Variants in HSD11B1 observed in about 807,000 individuals in gnomAD.
The protein encoded by HSD11B1 is 11-beta-hydroxysteroid dehydrogenase 1.
A neutral mutation model predicts 22.1 loss-of-function variants in HSD11B1; 15 were observed. The observed-to-expected ratio is 0.68, with a 90% CI of 0.45 to 1.04. The LOEUF is 1.04. Ranked by LOEUF, HSD11B1 falls within the 50% of genes least tolerant of loss-of-function variation. The probability of loss-of-function intolerance (pLI) is 0.00; values close to 1 mark genes in which losing one functional copy is unlikely to be tolerated. For synonymous variants in HSD11B1, 122 were observed against 125.2 expected, an observed-to-expected ratio of 0.97 and a Z score of 0.17; for missense variants, 281 against 357.6, an observed-to-expected ratio of 0.79 and a Z score of 1.73.
chr1:209,732,064 C>T (rs547126172), intron 4 of HSD11B1, among the ~76,000 whole-genome samples: 128 of 152,248 alleles, frequency 8.4e-4, no homozygotes, highest in Non-Finnish European at 1.6e-3. Context: ...CTTTCCATTG[C>T]CAACAGGTCA....
upstream of HSD11B1, chr1:209,704,741 G>A: frequency 3.5e-6 from 2 of 572,168 alleles, no homozygotes; most frequent in Non-Finnish European, 6.3e-6. Flanking sequence ...CACCACACAG[G>A]CTGCCAGGGA....
At chr1:209,731,674 T>A (rs186575112) in intron 4 of HSD11B1, among the ~76,000 whole-genome samples, 1 of 152,326 alleles carries the variant, frequency 6.6e-6, no homozygotes, top group African/African-American at 2.4e-5. Flanking sequence ...GTGAACATTT[T>A]TTTTAAAAAG....
intron 4 of HSD11B1, among the ~76,000 whole-genome samples, chr1:209,727,852 A>G (rs1436741315): frequency 6.6e-6 from 1 of 152,204 alleles, no homozygotes; most frequent in Non-Finnish European, 1.5e-5. Flanking sequence ...ATCCCTCTCC[A>G]TGGCTGAAAT....
chr1:209,696,729 T>C (rs2076793459), intron 1 of HSD11B1, among the ~76,000 whole-genome samples: 1 of 151,832 alleles, frequency 6.6e-6, no homozygotes, highest in African/African-American at 2.4e-5. Flanking sequence ...GGGAGGAGGA[T>C]ATTTGGGGAG....
chr1:209,707,528 AT>A (rs1298173834), intron 4 of HSD11B1, among the ~76,000 whole-genome samples: 8 of 152,124 alleles, frequency 5.3e-5, no homozygotes, highest in Non-Finnish European at 1.0e-4. Flanking sequence ...TAGGGGGGTG[AT>A]TTGTGGACTC....
chr1:209,709,414 A>G lies in HSD11B1; in HGVS notation c.517+2286A>G, dbSNP rs1353885817. ...GGCACCTATTGAGCAAGTTTCTTGT[A>G]TGTGTAACATCCCGTTACATTGATT... is the stretch of plus-strand genomic sequence containing the variant. On this transcript the variant is annotated intron_variant, in intron 4 of 5. Transcript: ENST00000367027. Among the ~76,000 whole-genome samples, 3 of 152,208 alleles carry G rather than the reference A, an allele frequency of 2.0e-5. No homozygotes were observed. In the East Asian group the frequency reaches 5.8e-4, roughly 29 times the overall value.
intron 4 of HSD11B1, among the ~76,000 whole-genome samples, chr1:209,711,379 C>T (rs2076893855): frequency 6.6e-6 from 1 of 152,144 alleles, no homozygotes; most frequent in Non-Finnish European, 1.5e-5. Flanking sequence ...GCCTCAGAAC[C>T]AGAGTGGAAA....
At chr1:209,710,446 T>G (rs2076887879) in intron 4 of HSD11B1, among the ~76,000 whole-genome samples, 2 of 152,218 alleles carry the variant, frequency 1.3e-5, no homozygotes, top group South Asian at 4.1e-4. Flanking sequence ...CCCTACCTCC[T>G]ATGAAGTCTT....
At chr1:209,700,903 C>T (rs1426279350), upstream of HSD11B1, among the ~76,000 whole-genome samples, 1 of 152,254 alleles carries the variant, frequency 6.6e-6, no homozygotes, top group East Asian at 1.9e-4. Context: ...GTTACCTCTG[C>T]TCCAGTTCCC....
chr1:209,707,433 G>T (rs1297138382), intron 4 of HSD11B1, among the ~76,000 whole-genome samples: 2 of 151,102 alleles, frequency 1.3e-5, no homozygotes, highest in African/African-American at 4.9e-5. Flanking sequence ...ACTTGAAGTT[G>T]AAATGTTCAT....
intron 1 of HSD11B1, among the ~76,000 whole-genome samples, chr1:209,698,852 C>G (rs1470694980): frequency 6.6e-6 from 1 of 152,148 alleles, no homozygotes; most frequent in Non-Finnish European, 1.5e-5. Flanking sequence ...CTCTTCTTTC[C>G]TAGAAGGCCC....
intron 1 of HSD11B1, among the ~76,000 whole-genome samples, chr1:209,698,203 A>C (rs2076804871): frequency 6.9e-6 from 1 of 145,292 alleles, no homozygotes; most frequent in African/African-American, 2.4e-5. Flanking sequence ...AGATAGATAG[A>C]TAGATAGATA....
At chr1:209,734,272 G>A in intron 5 of HSD11B1, 32 bp from the exon 6 acceptor site, 3 of 1,560,972 alleles carry the variant, frequency 1.9e-6, no homozygotes, top group Non-Finnish European at 2.6e-6. Flanking sequence ...GTCCTAGTCA[G>A]ATAACCCTAC....
At chr1:209,725,044 A>G (rs2076992503) in intron 4 of HSD11B1, among the ~76,000 whole-genome samples, 1 of 152,180 alleles carries the variant, frequency 6.6e-6, no homozygotes, top group African/African-American at 2.4e-5. Context: ...TTTAACCTGA[A>G]CTGAAGTGAG....
rs544848604 is a variant in HSD11B1 at position 209,723,716 on chromosome 1, C to T, written c.518-8720C>T. On this transcript the variant is annotated intron_variant, in intron 4 of 5. Transcript: ENST00000367027. ...TTCCTCTCTTTCCCCACCTCCTCCC[C>T]ACTCCCTGACCCCCTCTAGCCTGTC... Among the ~76,000 whole-genome samples, 32 of 152,306 alleles carry T rather than the reference C, an allele frequency of 2.1e-4. No homozygotes were observed. In the South Asian group the frequency reaches 6.2e-3, roughly 30 times the overall value.
chr1:209,711,427 T>C (rs1156630146), intron 4 of HSD11B1, among the ~76,000 whole-genome samples: 3 of 152,128 alleles, frequency 2.0e-5, no homozygotes, highest in Non-Finnish European at 4.4e-5. Context: ...TTCTCATTTT[T>C]CTAAGAAAAA....
intron 4 of HSD11B1, among the ~76,000 whole-genome samples, chr1:209,721,422 T>C (rs2076965784): frequency 6.8e-6 from 1 of 148,134 alleles, no homozygotes; most frequent in Non-Finnish European, 1.5e-5. Flanking sequence ...ATAGGTTGTG[T>C]GTACTATTCT....
At chr1:209,723,305 T>C (rs2076979592) in intron 4 of HSD11B1, among the ~76,000 whole-genome samples, 1 of 152,212 alleles carries the variant, frequency 6.6e-6, no homozygotes, top group Admixed American at 6.5e-5. Flanking sequence ...ATTCCACGAC[T>C]GCTTCATGCA....
intron 4 of HSD11B1, among the ~76,000 whole-genome samples, chr1:209,727,330 G>C (rs1558199322): frequency 6.6e-6 from 1 of 152,204 alleles, no homozygotes; most frequent in Non-Finnish European, 1.5e-5. Flanking sequence ...TTCTGTAAGA[G>C]AACACATTTC....
Sources: gnomAD v4.1 joint callset for allele counts (sites outside exome capture counted in the v4.1 genomes callset) on GRCh38, gnomAD v4.1.1 for gene constraint, MANE v1.5 for transcripts, NCBI Gene and HGNC (gene_info 2026-07-23, HGNC 2026-07-21) for gene names.